The following ZCCHC7 variants were observed in gnomAD, a reference collection of about 807,000 sequenced individuals.
ZCCHC7 encodes the protein zinc finger CCHC domain-containing protein 7.
A neutral mutation model predicts 52.0 loss-of-function variants in ZCCHC7; 35 were observed. The observed-to-expected ratio is 0.67, with a 90% CI of 0.51 to 0.89. ZCCHC7 has a LOEUF of 0.89. Among genes scored for constraint, ZCCHC7 ranks in the 40% least tolerant of loss-of-function variants. The probability of loss-of-function intolerance (pLI) is 0.00; values close to 1 mark genes in which losing one functional copy is unlikely to be tolerated. For synonymous variants in ZCCHC7, 217 were observed against 221.5 expected (o/e 0.98, Z 0.18); for missense variants, 574 against 649.1 (o/e 0.88, Z 1.26).
At chr9:37,267,781 G>C (rs1057377692) in intron 2 of ZCCHC7, among the ~76,000 whole-genome samples, 2 of 151,958 alleles carry the variant, frequency 1.3e-5, no homozygotes, top group Admixed American at 1.3e-4. Flanking sequence ...GTGTTAGCCA[G>C]GATGGTCTCG....
At chr9:37,197,604 C>T (rs1823356529) in intron 2 of ZCCHC7, among the ~76,000 whole-genome samples, 1 of 152,076 alleles carries the variant, frequency 6.6e-6, no homozygotes, top group Non-Finnish European at 1.5e-5. Context: ...GTGTGCAGTA[C>T]CCAGAATAAT....
intron 2 of ZCCHC7, among the ~76,000 whole-genome samples, chr9:37,196,383 A>G (rs1823285906): frequency 6.6e-6 from 1 of 152,210 alleles, no homozygotes; most frequent in Admixed American, 6.5e-5. Flanking sequence ...GTTAATTTTA[A>G]TAGTACGTCC....
chr9:37,169,368 G>A (rs916299224), intron 2 of ZCCHC7, among the ~76,000 whole-genome samples: 4 of 152,168 alleles, frequency 2.6e-5, no homozygotes, highest in African/African-American at 7.2e-5. Flanking sequence ...TAATAGAATG[G>A]GACCATACTT....
chr9:37,158,932 ATCC>A (rs1291951569), intron 2 of ZCCHC7, among the ~76,000 whole-genome samples: 2 of 152,226 alleles, frequency 1.3e-5, no homozygotes, highest in Non-Finnish European at 2.9e-5. Flanking sequence ...TTCCAGTGCA[ATCC>A]TCCTAGTCTT....
Position 37,357,280 on chromosome 9 carries a change from G to T in ZCCHC7, c.*12G>T. The stretch of plus-strand genomic sequence containing the variant: ...AAAAAAAGTCTTAAGCCGTCAGGCA[G>T]CCTCTGATGTGGCTTTTCATTGTTC... On this transcript the variant is annotated 3_prime_UTR_variant, in exon 9 of 9. Coordinates refer to ENST00000336755, the MANE Select transcript of ZCCHC7 (RefSeq NM_032226.3). 1 of 1,572,462 alleles carries T rather than the reference G, an allele frequency of 6.4e-7. No homozygotes were observed. The highest frequency in any genetic ancestry group is 2.2e-4 in the Middle Eastern group (1 of 4,568).
chr9:37,306,697 T>TCATGATC (rs1205985767), intron 5 of ZCCHC7, among the ~76,000 whole-genome samples: 1 of 134,904 alleles, frequency 7.4e-6, no homozygotes, highest in Non-Finnish European at 1.6e-5. Context: ...TCTCCTGACC[T>TCATGATC]CATGATCCGC....
rs1321453429 is a variant in ZCCHC7, at chr9:37,269,635, AAAAAAAAAAAAC to A, written c.611-32548_611-32537del. On this transcript the variant is annotated intron_variant, in intron 2 of 8. Coordinates refer to ENST00000336755, the MANE Select transcript of ZCCHC7 (RefSeq NM_032226.3). ...CTCTGTCTCAAAAAAAAAAAAAAAA[AAAAAAAAAAAAC>A]AAAAGAAGTTCTAGGCATGATATGA... 2.4e-4 allele frequency among the ~76,000 whole-genome samples: 36 copies of A among 148,976 alleles called. 1 individual carries two copies. The highest frequency in any genetic ancestry group is 4.3e-4 in the Non-Finnish European group (29 of 66,882).
chr9:37,126,757 C>G lies in ZCCHC7; in HGVS notation c.425C>G (p.Ser142Cys). ...KCKSDIEKPKSEERSGVIREV... is the reference protein window; with the variant it reads ...KCKSDIEKPKCEERSGVIREV... ...AAGAGTGATATTGAGAAGCCTAAAT[C>G]TGAAGAGAGATCAGGTGTAATCCGA... The change falls in exon 2 of 9, where the codon TCT (serine) becomes TGT (cysteine). Residue 142 changes from serine to cysteine, a missense_variant. Physicochemically the swap from Ser to Cys is moderately radical, Grantham distance 112. Transcript: ENST00000336755. 6.2e-7 allele frequency: 1 copy of G among 1,614,080 alleles called. No homozygotes were observed. The highest frequency in any genetic ancestry group is 8.5e-7 in the Non-Finnish European group (1 of 1,180,002).
chr9:37,222,848 C>T (rs374959033), intron 2 of ZCCHC7, among the ~76,000 whole-genome samples: 3 of 152,040 alleles, frequency 2.0e-5, no homozygotes, highest in African/African-American at 7.2e-5. Context: ...AGTAAAGAAA[C>T]GCTCTAGTGG....
At chr9:37,350,273 C>T (rs959962484) in intron 7 of ZCCHC7, among the ~76,000 whole-genome samples, 3 of 151,906 alleles carry the variant, frequency 2.0e-5, no homozygotes, top group Admixed American at 1.3e-4. Flanking sequence ...GGATTATAGG[C>T]GCATGCCACC....
intron 2 of ZCCHC7, among the ~76,000 whole-genome samples, chr9:37,188,136 T>TTTTTTA (rs928492187): frequency 6.6e-6 from 1 of 151,944 alleles, no homozygotes; most frequent in African/African-American, 2.4e-5. Context: ...GTCCTTGAGG[T>TTTTTTA]TTTTTATTTT....
Position 37,185,828 on chromosome 9 carries a change from A to G in ZCCHC7, c.610+58886A>G, listed in dbSNP as rs533862295. On this transcript the variant is annotated intron_variant, in intron 2 of 8. Coordinates refer to ENST00000336755, the MANE Select transcript of ZCCHC7 (RefSeq NM_032226.3). ...AGGGACCCTGTTTCCAAATAAGGTC[A>G]CATTCAGAAGTTCTTGGGGTTAGAA... Among the ~76,000 whole-genome samples the G allele has an allele frequency of 3.3e-5, 5 of 152,322 alleles. No homozygotes were observed. In the South Asian group the frequency reaches 1.0e-3, roughly 32 times the overall value.
intron 5 of ZCCHC7, among the ~76,000 whole-genome samples, chr9:37,314,889 C>T (rs1283479042): frequency 2.0e-5 from 3 of 151,702 alleles, no homozygotes; most frequent in African/African-American, 4.8e-5. Context: ...CAAAGACTTA[C>T]TTATAGGGAT....
At chr9:37,298,172 G>GTT (rs1358715440) in intron 2 of ZCCHC7, among the ~76,000 whole-genome samples, 1 of 152,182 alleles carries the variant, frequency 6.6e-6, no homozygotes. Flanking sequence ...CACATATAAA[G>GTT]ATGTTTCTCA....
chr9:37,234,824 A>G (rs1825567587), intron 2 of ZCCHC7, among the ~76,000 whole-genome samples: 1 of 152,180 alleles, frequency 6.6e-6, no homozygotes, highest in African/African-American at 2.4e-5. Flanking sequence ...TTATAACTTT[A>G]TGAAAATATT....
chr9:37,234,451 G>C (rs146898871), intron 2 of ZCCHC7, among the ~76,000 whole-genome samples: 3,858 of 152,288 alleles, frequency 0.025, 76 homozygotes, highest in Middle Eastern at 0.048. Context: ...CATTGGTTCA[G>C]CTTGGATTAT....
chr9:37,208,295 A>G (rs13291191), intron 2 of ZCCHC7, among the ~76,000 whole-genome samples: 31,684 of 152,062 alleles, frequency 0.21, 3,573 homozygotes, highest in Non-Finnish European at 0.25. Flanking sequence ...ATTGTTGCCC[A>G]GGCTGGTCTT....
At chr9:37,272,202 A>G (rs1827450433) in intron 2 of ZCCHC7, among the ~76,000 whole-genome samples, 3 of 152,198 alleles carry the variant, frequency 2.0e-5, no homozygotes, top group Admixed American at 2.0e-4. Context: ...ATTTCCATGA[A>G]TAATCCCTTT....
intron 2 of ZCCHC7, among the ~76,000 whole-genome samples, chr9:37,217,288 G>C (rs10973256): frequency 0.027 from 4,043 of 152,196 alleles, 83 homozygotes; most frequent in East Asian, 0.15. Flanking sequence ...GCAATTATTT[G>C]TATCTTCTAA....
Sources: gnomAD v4.1 joint callset for allele counts (sites outside exome capture counted in the v4.1 genomes callset) on GRCh38, gnomAD v4.1.1 for gene constraint, MANE v1.5 for transcripts, NCBI Gene and HGNC (gene_info 2026-07-23, HGNC 2026-07-21) for gene names.